RNF152: variants seen among roughly 807,000 people sequenced by gnomAD.
RNF152 encodes the protein ring finger protein 152.
RNF152 carries 11 observed loss-of-function variants against 12.7 expected under a neutral mutation model. The observed-to-expected ratio is 0.86, with a 90% CI of 0.54 to 1.43. The LOEUF is 1.43. Among genes scored for constraint, RNF152 ranks in the 40% most tolerant of loss-of-function variants. The pLI is 0.00. For missense variants in RNF152, 255 were observed against 274.8 expected, an observed-to-expected ratio of 0.93 and a Z score of 0.51; for synonymous variants, 113 against 120.3, an observed-to-expected ratio of 0.94 and a Z score of 0.40.
At chr18:61,866,512 C>T (rs1599310718) in intron 1 of RNF152, among the ~76,000 whole-genome samples, 1 of 152,210 alleles carries the variant, frequency 6.6e-6, no homozygotes, top group African/African-American at 2.4e-5. Flanking sequence ...CTCCTTAGTA[C>T]CAAGAGTGAG....
chr18:61,893,701 T>C (rs1913071747), upstream of RNF152: 1 of 152,436 alleles, frequency 6.6e-6, no homozygotes, highest in African/African-American at 2.4e-5. Context: ...CGGGAGAAGA[T>C]GAGCCGGGGT....
intron 1 of RNF152, among the ~76,000 whole-genome samples, chr18:61,839,898 T>C (rs1272093965): frequency 6.6e-6 from 1 of 152,184 alleles, no homozygotes; most frequent in South Asian, 2.1e-4. Flanking sequence ...AGCACTGCCT[T>C]ACTTTGTGAC....
intron 1 of RNF152, among the ~76,000 whole-genome samples, chr18:61,885,700 T>G (rs576858566): frequency 6.6e-6 from 1 of 152,176 alleles, no homozygotes; most frequent in Non-Finnish European, 1.5e-5. Flanking sequence ...CTCATAATGA[T>G]CAAGCATTTT....
rs569114358 is a variant in RNF152 at position 61,861,363 on chromosome 18, C to T, written c.-136+31432G>A. Among the ~76,000 whole-genome samples the T allele has an allele frequency of 5.9e-5, 9 of 152,264 alleles. No individual in the cohort carries two copies. The South Asian group carries it at 1.7e-3, about 28-fold the overall frequency. On this transcript the variant is annotated intron_variant, in intron 1 of 1. Transcript: ENST00000312828. Reference sequence around the variant, plus strand: ...ATACTTATTGTGTGTGTTACAATTGCTTGCAGTATTCAGTATAATAATATG... The same window carrying T: ...ATACTTATTGTGTGTGTTACAATTGTTTGCAGTATTCAGTATAATAATATG...
chr18:61,871,444 G>T (rs976608833), intron 1 of RNF152, among the ~76,000 whole-genome samples: 8 of 152,176 alleles, frequency 5.3e-5, no homozygotes, highest in African/African-American at 1.7e-4. Flanking sequence ...TCTCGAGATA[G>T]ATATTACTGG....
intron 1 of RNF152, among the ~76,000 whole-genome samples, chr18:61,836,095 C>T (rs1910169448): frequency 6.6e-6 from 1 of 152,184 alleles, no homozygotes; most frequent in Non-Finnish European, 1.5e-5. Context: ...ACAATGAGCA[C>T]ACTTAGTTCC....
chr18:61,871,022 G>C (rs757712970), intron 1 of RNF152, among the ~76,000 whole-genome samples: 6 of 152,174 alleles, frequency 3.9e-5, no homozygotes, highest in African/African-American at 7.2e-5. Context: ...TTCCCAGAGA[G>C]GCTGTTACTA....
intron 1 of RNF152, among the ~76,000 whole-genome samples, chr18:61,869,402 G>A (rs1419970160): frequency 6.6e-6 from 1 of 152,120 alleles, no homozygotes; most frequent in Admixed American, 6.5e-5. Context: ...GGCCATGGAG[G>A]TATTGTCTCC....
intron 1 of RNF152, among the ~76,000 whole-genome samples, chr18:61,821,885 T>C (rs538525659): frequency 1.3e-3 from 192 of 152,320 alleles, no homozygotes; most frequent in African/African-American, 4.3e-3. Context: ...TGGAACAGTT[T>C]CATCCTGAAA....
intron 1 of RNF152, among the ~76,000 whole-genome samples, chr18:61,858,979 C>T (rs373072212): frequency 4.6e-5 from 7 of 151,992 alleles, no homozygotes; most frequent in East Asian, 1.9e-4. Flanking sequence ...ATGTTTCTTA[C>T]GCGCCGGGTG....
chr18:61,876,751 C>T (rs1912232300), intron 1 of RNF152, among the ~76,000 whole-genome samples: 1 of 152,144 alleles, frequency 6.6e-6, no homozygotes, highest in East Asian at 1.9e-4. Flanking sequence ...TCTACTCTAC[C>T]CCGTAGGATT....
intron 1 of RNF152, chr18:61,888,750 G>A (rs1443858916): frequency 6.6e-6 from 1 of 152,196 alleles, no homozygotes; most frequent in Non-Finnish European, 1.5e-5. Flanking sequence ...TTTCAATCAT[G>A]GAGTCAGACT....
At chr18:61,842,588 C>T (rs1017877240) in intron 1 of RNF152, among the ~76,000 whole-genome samples, 2 of 152,240 alleles carry the variant, frequency 1.3e-5, no homozygotes, top group South Asian at 4.1e-4. Flanking sequence ...TGAGCACCTT[C>T]ATGAGTGAGT....
intron 1 of RNF152, among the ~76,000 whole-genome samples, chr18:61,846,192 T>G (rs1231370162): frequency 6.6e-6 from 1 of 152,162 alleles, no homozygotes; most frequent in African/African-American, 2.4e-5. Flanking sequence ...AGATACACAC[T>G]TCATAATTCT....
At chr18:61,828,759 T>G (rs532766399) in intron 1 of RNF152, among the ~76,000 whole-genome samples, 8 of 152,304 alleles carry the variant, frequency 5.3e-5, no homozygotes, top group Non-Finnish European at 1.5e-5. Context: ...TGTAGGCACA[T>G]TCAAATGCAT....
chr18:61,837,545 T>C (rs1168070189), intron 1 of RNF152, among the ~76,000 whole-genome samples: 1 of 152,258 alleles, frequency 6.6e-6, no homozygotes, highest in Non-Finnish European at 1.5e-5. Context: ...CATTTCTGTG[T>C]ATTTTACATT....
rs1375473811 is a variant in RNF152, at chr18:61,845,291, G to C, written c.-135-28693C>G. 2.6e-5 allele frequency among the ~76,000 whole-genome samples: 4 copies of C among 152,326 alleles called. No homozygotes were observed. In the East Asian group the frequency reaches 7.7e-4, roughly 29 times the overall value. ...TTCACTTGTGGAGGTGACAGTTTTG[G>C]CTGTGCTGTGTAAGAAGAGCAATGC... On this transcript the variant is annotated intron_variant, in intron 1 of 1. Coordinates refer to ENST00000312828, the MANE Select transcript of RNF152 (RefSeq NM_173557.3).
intron 1 of RNF152, among the ~76,000 whole-genome samples, chr18:61,832,660 T>A (rs57741938): frequency 0.029 from 4,423 of 152,246 alleles, 205 homozygotes; most frequent in African/African-American, 0.1. Flanking sequence ...ATTCTACCTG[T>A]GAACTAAAAA....
At chr18:61,852,898 C>T (rs971870062) in intron 1 of RNF152, among the ~76,000 whole-genome samples, 4 of 152,302 alleles carry the variant, frequency 2.6e-5, no homozygotes, top group Admixed American at 1.3e-4. Flanking sequence ...ATGGATTTAA[C>T]ATTTTCAGAC....
Sources: allele counts gnomAD v4.1 joint callset (sites outside exome capture counted in the v4.1 genomes callset), GRCh38; gene constraint gnomAD v4.1.1; transcripts MANE v1.5; gene names NCBI Gene and HGNC (gene_info 2026-07-23, HGNC 2026-07-21).